Variants in RBPMS2 observed in about 807,000 individuals in gnomAD.
The protein encoded by RBPMS2 is RNA-binding protein with multiple splicing 2.
A neutral mutation model predicts 25.7 loss-of-function variants in RBPMS2; 14 were observed. That is an observed-to-expected ratio of 0.55 (90% CI 0.36 to 0.85). RBPMS2 has a LOEUF of 0.85. Ranked by LOEUF, RBPMS2 falls within the 40% of genes least tolerant of loss-of-function variation. RBPMS2 has a pLI of 0.01. For synonymous variants in RBPMS2, 127 were observed against 115.6 expected, an observed-to-expected ratio of 1.10 and a Z score of -0.63; for missense variants, 252 against 283.4, an observed-to-expected ratio of 0.89 and a Z score of 0.80.
intron 1 of RBPMS2, among the ~76,000 whole-genome samples, chr15:64,768,249 C>T (rs910765609): frequency 1.3e-5 from 2 of 152,170 alleles, no homozygotes; most frequent in African/African-American, 4.8e-5. Context: ...CAACTCACAT[C>T]TGTAACCCCA....
intron 6 of RBPMS2, among the ~76,000 whole-genome samples, chr15:64,746,766 G>A (rs558375028): frequency 2.6e-5 from 4 of 152,278 alleles, no homozygotes; most frequent in African/African-American, 9.6e-5. Context: ...AGAGGATAGG[G>A]CAGAACCTCT....
At chr15:64,767,281 G>C (rs952167437) in intron 1 of RBPMS2, among the ~76,000 whole-genome samples, 2 of 152,046 alleles carry the variant, frequency 1.3e-5, no homozygotes, top group Non-Finnish European at 2.9e-5. Context: ...CATCATTTCT[G>C]AAGTGTAGGG....
At chr15:64,759,844 TG>T (rs1012562855) in intron 1 of RBPMS2, among the ~76,000 whole-genome samples, 19 of 152,138 alleles carry the variant, frequency 1.2e-4, no homozygotes, top group African/African-American at 4.6e-4. Context: ...GGCTAATTTT[TG>T]TATTTTTAGT....
intron 1 of RBPMS2, among the ~76,000 whole-genome samples, chr15:64,770,038 C>T (rs1223012601): frequency 2.0e-5 from 3 of 151,270 alleles, no homozygotes; most frequent in Non-Finnish European, 4.4e-5. Flanking sequence ...AATTAGCTGG[C>T]CGTAGTGGTG....
intron 1 of RBPMS2, among the ~76,000 whole-genome samples, chr15:64,773,684 T>A (rs1053677410): frequency 2.6e-5 from 4 of 152,112 alleles, no homozygotes; most frequent in African/African-American, 9.7e-5. Flanking sequence ...CCCACTGAAG[T>A]AGACCCTTTA....
At chr15:64,768,196 G>C (rs184569365) in intron 1 of RBPMS2, among the ~76,000 whole-genome samples, 12 of 152,310 alleles carry the variant, frequency 7.9e-5, no homozygotes, top group African/African-American at 2.9e-4. Context: ...ATAAGTAAGT[G>C]TGCCATTTGT....
intron 1 of RBPMS2, among the ~76,000 whole-genome samples, chr15:64,754,417 G>A (rs1279493412): frequency 1.3e-5 from 2 of 152,110 alleles, no homozygotes; most frequent in Non-Finnish European, 2.9e-5. Flanking sequence ...TTCAAGACCA[G>A]CCTGACCAAC....
At chr15:64,748,706 C>A in intron 5 of RBPMS2, 139 bp from the exon 6 acceptor site, 1 of 1,089,938 alleles carries the variant, frequency 9.2e-7, no homozygotes, top group Non-Finnish European at 1.3e-6. Flanking sequence ...ACCCCGAGAC[C>A]AGGCAAGGAA....
Position 64,759,821 on chromosome 15 carries a change from C to T in RBPMS2, c.88-8183G>A, listed in dbSNP as rs960406604. 8.5e-5 allele frequency among the ~76,000 whole-genome samples: 13 copies of T among 152,142 alleles called. 1 individual carries two copies. Among genetic ancestry groups the T allele is most frequent in the South Asian group, 4.1e-4 (2 of 4,832 alleles). The stretch of plus-strand genomic sequence containing the variant: ...CGGAGTAGCTATGACTACAGGAGCG[C>T]GCCACCATGCCCGGCTAATTTTTGT... On this transcript the variant is annotated intron_variant, in intron 1 of 7. Coordinates refer to ENST00000300069, the MANE Select transcript of RBPMS2 (RefSeq NM_194272.3).
intron 1 of RBPMS2, among the ~76,000 whole-genome samples, chr15:64,753,273 C>T (rs190370799): frequency 6.6e-5 from 10 of 152,252 alleles, no homozygotes; most frequent in Admixed American, 5.9e-4. Context: ...CCCCATCACG[C>T]GGCCATTCTT....
chr15:64,749,590 C>T, intron 3 of RBPMS2, 97 bp from the exon 4 acceptor site: 2 of 1,095,382 alleles, frequency 1.8e-6, no homozygotes, highest in East Asian at 4.9e-5. Context: ...TATGTGGAAA[C>T]AGTATTTGCC....
At chr15:64,775,191 G>A in intron 1 of RBPMS2, 42 bp downstream of exon 1, 1 of 1,147,782 alleles carries the variant, frequency 8.7e-7, no homozygotes, top group Non-Finnish European at 1.1e-6. Context: ...GCGCCCGCCT[G>A]GCGTGCGCTT....
At chr15:64,769,100 C>CAAAAAA (rs1167404963) in intron 1 of RBPMS2, among the ~76,000 whole-genome samples, 1 of 27,686 alleles carries the variant, frequency 3.6e-5, no homozygotes, top group Non-Finnish European at 7.6e-5. Context: ...GACTTCGTCT[C>CAAAAAA]AAAAAAAAAA....
intron 1 of RBPMS2, among the ~76,000 whole-genome samples, chr15:64,770,485 T>C (rs974084439): frequency 4.6e-5 from 7 of 152,196 alleles, no homozygotes; most frequent in African/African-American, 1.7e-4. Context: ...TACAGGTTCA[T>C]TATTATTAGT....
At chr15:64,750,251 G>A in intron 3 of RBPMS2, 92 bp downstream of exon 3, 1 of 1,088,820 alleles carries the variant, frequency 9.2e-7, no homozygotes, top group Admixed American at 1.7e-5. Context: ...ACCGCCAGAT[G>A]CCTCTAGATT....
At chr15:64,774,843 C>T (rs909801175) in intron 1 of RBPMS2, among the ~76,000 whole-genome samples, 1 of 151,472 alleles carries the variant, frequency 6.6e-6, no homozygotes, top group Admixed American at 6.6e-5. Flanking sequence ...TCCGTGCCGC[C>T]GAGGCGGGGT....
Position 64,766,298 on chromosome 15 carries a change from G to A in RBPMS2, c.87+8935C>T, listed in dbSNP as rs2141075860. Among the ~76,000 whole-genome samples the A allele has an allele frequency of 2.6e-5, 4 of 152,228 alleles. No individual in the cohort carries two copies. In the South Asian group the frequency reaches 8.3e-4, roughly 32 times the overall value. ...ACCCAGGCCCTGCTGCACTCCAGAGGCCTCCAACGCTGATACAGCCACCAG... is the reference window on the plus strand; with the variant it reads ...ACCCAGGCCCTGCTGCACTCCAGAGACCTCCAACGCTGATACAGCCACCAG... On this transcript the variant is annotated intron_variant, in intron 1 of 7. Coordinates refer to ENST00000300069, the MANE Select transcript of RBPMS2 (RefSeq NM_194272.3).
At chr15:64,750,220 C>T in intron 3 of RBPMS2, 123 bp downstream of exon 3, 1 of 867,644 alleles carries the variant, frequency 1.2e-6, no homozygotes, top group East Asian at 2.4e-5. Context: ...AGAAACAGGA[C>T]AACAGGGAGC....
intron 1 of RBPMS2, among the ~76,000 whole-genome samples, chr15:64,752,020 A>C (rs1399767080): frequency 5.4e-5 from 8 of 148,254 alleles, no homozygotes; most frequent in African/African-American, 2.0e-4. Flanking sequence ...GCTAAACTGC[A>C]GTGGCGTGAT....
Sources: allele counts gnomAD v4.1 joint callset (sites outside exome capture counted in the v4.1 genomes callset), GRCh38; gene constraint gnomAD v4.1.1; transcripts MANE v1.5; gene names NCBI Gene and HGNC (gene_info 2026-07-23, HGNC 2026-07-21).